The following BCAS3 variants were observed in gnomAD, a reference collection of about 807,000 sequenced individuals.
The protein encoded by BCAS3 is BCAS4/BCAS3 fusion.
BCAS3 carries 53 observed loss-of-function variants against 116.1 expected under a neutral mutation model. The ratio of observed to expected loss-of-function variants is 0.46; its 90% CI spans 0.37 to 0.57. The LOEUF (loss-of-function observed/expected upper bound fraction) is 0.57. Ranked by LOEUF, BCAS3 falls within the 20% of genes least tolerant of loss-of-function variation. The pLI, the probability that BCAS3 is intolerant of heterozygous loss-of-function variation, is 0.00. For synonymous variants in BCAS3, 391 were observed against 408.2 expected, an observed-to-expected ratio of 0.96 and a Z score of 0.51; for missense variants, 917 against 1,165.4, an observed-to-expected ratio of 0.79 and a Z score of 3.10.
intron 9 of BCAS3, among the ~76,000 whole-genome samples, chr17:60,876,696 C>T (rs1465517665): frequency 6.6e-6 from 1 of 152,098 alleles, no homozygotes; most frequent in Non-Finnish European, 1.5e-5. Context: ...CATTTGTTAA[C>T]CAACACCGTT....
intron 14 of BCAS3, chr17:60,980,436 GA>G (rs2062728166): frequency 6.6e-6 from 1 of 151,682 alleles, no homozygotes; most frequent in Non-Finnish European, 1.5e-5. Flanking sequence ...CTTCTTTGGA[GA>G]AATATTTGTC....
rs956724051 is a variant in BCAS3 at position 61,390,032 on chromosome 17, A to G, written c.2594-1945A>G. On this transcript the variant is annotated intron_variant, in intron 23 of 23. Coordinates refer to ENST00000407086, the MANE Select transcript of BCAS3 (RefSeq NM_017679.5). This position sits in a 1 kb window ranked among gnomAD's most constrained non-coding sequence, Gnocchi z 6.8. Reference sequence around the variant, plus strand: ...TCCTTCCTCGGGGGCTTTCTTCCTTAGGCCTGGCGGCCCGATCCTAAGGAA... The same window carrying G: ...TCCTTCCTCGGGGGCTTTCTTCCTTGGGCCTGGCGGCCCGATCCTAAGGAA... 6 of 152,268 alleles carry G rather than the reference A, an allele frequency of 3.9e-5. No individual in the cohort carries two copies. Among genetic ancestry groups the G allele is most frequent in the African/African-American group, 1.2e-4 (5 of 41,428 alleles). The allele number at this position is 152,268 out of a possible 1,614,324, so 9.4% of individuals were successfully genotyped here.
At position 61,020,297 on chromosome 17, in the gene BCAS3, T is replaced by C. The variant is rs1432117418; in HGVS notation, c.1637+4396T>C. Among the ~76,000 whole-genome samples the C allele has an allele frequency of 6.6e-6, 1 of 152,240 alleles. No homozygotes were observed. The highest frequency in any genetic ancestry group is 1.9e-4 in the East Asian group (1 of 5,194). ...AGCCTGTGCAGTGTCAGGGACCATCTGTCTCACTGCGAGACATACATGAGG... is the reference window on the plus strand; with the variant it reads ...AGCCTGTGCAGTGTCAGGGACCATCCGTCTCACTGCGAGACATACATGAGG... On this transcript the variant is annotated intron_variant, in intron 16 of 23. Coordinates refer to ENST00000407086, the MANE Select transcript of BCAS3 (RefSeq NM_017679.5). The surrounding 1 kb of genome is among the most constrained non-coding windows in gnomAD (Gnocchi z 4.5).
intron 7 of BCAS3, among the ~76,000 whole-genome samples, chr17:60,868,131 C>A (rs1476520996): frequency 6.6e-6 from 1 of 151,304 alleles, no homozygotes; most frequent in African/African-American, 2.4e-5. Context: ...TCAAGCGATT[C>A]TCCTGCCTCA....
chr17:61,158,777 A>G (rs969042263), intron 22 of BCAS3, among the ~76,000 whole-genome samples: 1 of 152,226 alleles, frequency 6.6e-6, no homozygotes, highest in African/African-American at 2.4e-5. Context: ...GACTACATTT[A>G]TTTAAAATAA....
At chr17:60,898,984 A>G (rs1295255551) in intron 10 of BCAS3, among the ~76,000 whole-genome samples, 1 of 151,770 alleles carries the variant, frequency 6.6e-6, no homozygotes, top group Non-Finnish European at 1.5e-5. Context: ...AAAGAAGTGG[A>G]TTGGTTTGGG....
rs1185464864 is a variant in BCAS3 at position 61,261,243 on chromosome 17, A to G, written c.2426-107084A>G. Among the ~76,000 whole-genome samples, 1 of 152,194 alleles carries G rather than the reference A, an allele frequency of 6.6e-6. No homozygotes were observed. Among genetic ancestry groups the G allele is most frequent in the Non-Finnish European group, 1.5e-5 (1 of 68,038 alleles). On this transcript the variant is annotated intron_variant, in intron 22 of 23. Transcript: ENST00000407086. The surrounding 1 kb of genome is among the most constrained non-coding windows in gnomAD (Gnocchi z 4.4). Reference sequence around the variant, plus strand: ...GAAAGAAGGTTTGATGGCAGTTATTAAACACTGATTCAAGAATATGTTTAG... The same window carrying G: ...GAAAGAAGGTTTGATGGCAGTTATTGAACACTGATTCAAGAATATGTTTAG...
chr17:60,811,136 T>C (rs971596495), intron 7 of BCAS3: 3 of 630,922 alleles, frequency 4.8e-6, no homozygotes, highest in Non-Finnish European at 5.9e-6. Flanking sequence ...CAGAACAGCC[T>C]GAGGGAGGTG....
At chr17:60,838,977 T>C (rs1011126765) in intron 7 of BCAS3, among the ~76,000 whole-genome samples, 1 of 152,224 alleles carries the variant, frequency 6.6e-6, no homozygotes, top group South Asian at 2.1e-4. Context: ...TATGCCACTG[T>C]GCCTGTCTTA....
Position 61,196,002 on chromosome 17 carries a change from A to C in BCAS3, c.2425+111438A>C, listed in dbSNP as rs1316166183. On this transcript the variant is annotated intron_variant, in intron 22 of 23. Transcript: ENST00000407086. The surrounding 1 kb of genome is among the most constrained non-coding windows in gnomAD (Gnocchi z 4.7). ...ATTTTTATTTATGGACATTGATGTC[A>C]GAAGCATATGTAGGTAGTTTTAAAA... 6.6e-6 allele frequency among the ~76,000 whole-genome samples: 1 copy of C among 152,234 alleles called. No homozygotes were observed. Among genetic ancestry groups the C allele is most frequent in the Non-Finnish European group, 1.5e-5 (1 of 68,042 alleles).
In BCAS3 at chr17:60,990,972, C is replaced by T. The variant is rs865815642; in HGVS notation, c.1486+737C>T. On this transcript the variant is annotated intron_variant, in intron 15 of 23. Transcript: ENST00000407086. This position sits in a 1 kb window ranked among gnomAD's most constrained non-coding sequence, Gnocchi z 5.1. ...GCATTTTATTTTAAAATGGGATTGG[C>T]GGGATTTCTGCTGTGTATCTCAGTA... Among the ~76,000 whole-genome samples the T allele has an allele frequency of 1.1e-4, 17 of 152,144 alleles. No individual in the cohort carries two copies. The highest frequency in any genetic ancestry group is 4.6e-4 in the Admixed American group (7 of 15,260).
rs901900622 is a variant in BCAS3, at chr17:61,063,153, T to C, written c.2030-11767T>C. Reference sequence around the variant, plus strand: ...CGTGACCTTTGCTCTTGCCCACTTTTGCTTTGACTGCACCACTTCTGCCTT... The same window carrying C: ...CGTGACCTTTGCTCTTGCCCACTTTCGCTTTGACTGCACCACTTCTGCCTT... On this transcript the variant is annotated intron_variant, in intron 19 of 23. Transcript: ENST00000407086. The surrounding 1 kb of genome is among the most constrained non-coding windows in gnomAD (Gnocchi z 5.3). Among the ~76,000 whole-genome samples the C allele has an allele frequency of 2.6e-5, 4 of 152,232 alleles. No individual in the cohort carries two copies. Among genetic ancestry groups the C allele is most frequent in the African/African-American group, 9.6e-5 (4 of 41,466 alleles).
At chr17:60,788,303 GTTAT>G (rs2144525695) in intron 6 of BCAS3, among the ~76,000 whole-genome samples, 1 of 152,258 alleles carries the variant, frequency 6.6e-6, no homozygotes, top group African/African-American at 2.4e-5. Flanking sequence ...ATTTGGACAA[GTTAT>G]TTAACCTCTC....
Position 61,019,085 on chromosome 17 carries a change from C to A in BCAS3, c.1637+3184C>A, listed in dbSNP as rs771089867. 2.0e-5 allele frequency among the ~76,000 whole-genome samples: 3 copies of A among 152,190 alleles called. No individual in the cohort carries two copies. Among genetic ancestry groups the A allele is most frequent in the Non-Finnish European group, 4.4e-5 (3 of 68,026 alleles). ...ATATCTTTAAGCCAGAGGTCCCCAA[C>A]CCCTGGGCCACAGACTGGTGCTAGT... On this transcript the variant is annotated intron_variant, in intron 16 of 23. Transcript: ENST00000407086. The surrounding 1 kb of genome is among the most constrained non-coding windows in gnomAD (Gnocchi z 5.6).
At chr17:60,907,591 T>C (rs1329570187) in intron 11 of BCAS3, among the ~76,000 whole-genome samples, 1 of 152,210 alleles carries the variant, frequency 6.6e-6, no homozygotes, top group Non-Finnish European at 1.5e-5. Flanking sequence ...TCTCACACTT[T>C]CGTTATAGTC....
chr17:60,786,838 A>G (rs889251307), intron 6 of BCAS3, among the ~76,000 whole-genome samples: 2 of 152,144 alleles, frequency 1.3e-5, no homozygotes, highest in African/African-American at 4.8e-5. Context: ...ATGTTTTATT[A>G]TCGACAATCC....
chr17:60,933,923 G>T (rs2059789855), intron 13 of BCAS3, among the ~76,000 whole-genome samples: 1 of 152,118 alleles, frequency 6.6e-6, no homozygotes. Context: ...GTAAAGTGGT[G>T]TCCTTTACTC....
At chr17:60,769,505 C>T (rs767732137) in intron 6 of BCAS3, among the ~76,000 whole-genome samples, 2 of 152,204 alleles carry the variant, frequency 1.3e-5, no homozygotes, top group African/African-American at 4.8e-5. Context: ...TAACCCTAGC[C>T]CCACCTCCAG....
In BCAS3 at chr17:61,348,963, A is replaced by G. The variant is rs1473012625; in HGVS notation, c.2426-19364A>G. 6.6e-6 allele frequency among the ~76,000 whole-genome samples: 1 copy of G among 151,874 alleles called. No individual in the cohort carries two copies. Among genetic ancestry groups the G allele is most frequent in the Admixed American group, 6.6e-5 (1 of 15,242 alleles). ...GAGATGGGGTTTCACCGTGTTAGCC[A>G]GGATGGTCTTGATCTCCTGACCTCA... On this transcript the variant is annotated intron_variant, in intron 22 of 23. Transcript: ENST00000407086. The surrounding 1 kb of genome is among the most constrained non-coding windows in gnomAD (Gnocchi z 4.5).
Sources: gnomAD v4.1 joint callset for allele counts (sites outside exome capture counted in the v4.1 genomes callset) on GRCh38, gnomAD v4.1.1 for gene constraint, Gnocchi (gnomAD v3.1) non-coding constraint, MANE v1.5 for transcripts, NCBI Gene and HGNC (gene_info 2026-07-23, HGNC 2026-07-21) for gene names.